Variants in BTLA observed in about 807,000 individuals in gnomAD.
The protein encoded by BTLA is B- and T-lymphocyte attenuator.
A neutral mutation model predicts 25.0 loss-of-function variants in BTLA; 11 were observed. The ratio of observed to expected loss-of-function variants is 0.44; its 90% CI spans 0.28 to 0.73. The LOEUF is 0.73. Ranked by LOEUF, BTLA falls within the 30% of genes least tolerant of loss-of-function variation. The pLI, the probability that BTLA is intolerant of heterozygous loss-of-function variation, is 0.15. For missense variants in BTLA, 282 were observed against 332.8 expected, an observed-to-expected ratio of 0.85 and a Z score of 1.19; for synonymous variants, 104 against 119.8, an observed-to-expected ratio of 0.87 and a Z score of 0.86.
chr3:112,476,174 C>T (rs1404771517), intron 2 of BTLA, among the ~76,000 whole-genome samples: 1 of 152,152 alleles, frequency 6.6e-6, no homozygotes, highest in Non-Finnish European at 1.5e-5. Flanking sequence ...GTTTATAAGC[C>T]AGTGCATGGA....
chr3:112,487,904 C>T (rs1204203438), intron 1 of BTLA, among the ~76,000 whole-genome samples: 4 of 152,136 alleles, frequency 2.6e-5, no homozygotes, highest in African/African-American at 9.7e-5. Flanking sequence ...CCAAGCCAAC[C>T]CCCAGGCAAA....
At chr3:112,496,242 G>C (rs777642996) in intron 1 of BTLA, among the ~76,000 whole-genome samples, 6 of 152,120 alleles carry the variant, frequency 3.9e-5, no homozygotes, top group Non-Finnish European at 8.8e-5. Context: ...TCTAGATCTT[G>C]CCAGCATGAT....
At chr3:112,466,958 CTTTTTT>C (rs869038641) in intron 4 of BTLA, among the ~76,000 whole-genome samples, 3 of 40,814 alleles carry the variant, frequency 7.4e-5, no homozygotes, top group African/African-American at 1.2e-4. Context: ...GAAAATTCTT[CTTTTTT>C]TTTTTTTTTT....
chr3:112,499,442 T>C lies in BTLA; in HGVS notation c.-84A>G. On this transcript the variant is annotated 5_prime_UTR_variant, in exon 1 of 5. Coordinates refer to ENST00000334529, the MANE Select transcript of BTLA (RefSeq NM_181780.4). Reference sequence around the variant, plus strand: ...TGAGTGCTGCAGAGTTGGGTCAGTTTACCTACCCCAGTGGCATCTGTGAAA... The same window carrying C: ...TGAGTGCTGCAGAGTTGGGTCAGTTCACCTACCCCAGTGGCATCTGTGAAA... 2 of 1,045,048 alleles carry C rather than the reference T, an allele frequency of 1.9e-6. No homozygotes were observed. The highest frequency in any genetic ancestry group is 2.8e-6 in the Non-Finnish European group (2 of 726,052). 64.7% of individuals were successfully genotyped at this position (1,045,048 alleles called of 1,614,324 possible).
intron 2 of BTLA, among the ~76,000 whole-genome samples, chr3:112,478,001 T>G (rs1334033963): frequency 2.4e-5 from 2 of 84,338 alleles, no homozygotes; most frequent in Non-Finnish European, 6.7e-5. Context: ...ATGACAATAC[T>G]ATTCTTTTTT....
chr3:112,487,585 CAA>C (rs112489701), intron 1 of BTLA, among the ~76,000 whole-genome samples: 21 of 136,836 alleles, frequency 1.5e-4, no homozygotes, highest in Non-Finnish European at 1.9e-4. Flanking sequence ...AAATCTGTGT[CAA>C]AAAAAAAAAA....
At chr3:112,471,470 A>G in intron 2 of BTLA, 115 bp from the exon 3 acceptor site, 2 of 1,157,920 alleles carry the variant, frequency 1.7e-6, no homozygotes, top group Non-Finnish European at 2.4e-6. Context: ...CAATGCCTCC[A>G]TTTCCCCTTC....
chr3:112,494,667 C>T (rs916410362), intron 1 of BTLA, among the ~76,000 whole-genome samples: 2 of 152,138 alleles, frequency 1.3e-5, no homozygotes, highest in Admixed American at 6.5e-5. Flanking sequence ...GAAAACCAAA[C>T]ACTGCATGTT....
intron 1 of BTLA, among the ~76,000 whole-genome samples, chr3:112,480,029 AC>A (rs766563385): frequency 5.3e-5 from 8 of 152,240 alleles, no homozygotes; most frequent in Non-Finnish European, 1.2e-4. Flanking sequence ...TGTGACCTGC[AC>A]GTATACATCC....
chr3:112,474,537 C>G (rs2082279200), intron 2 of BTLA, among the ~76,000 whole-genome samples: 2 of 151,856 alleles, frequency 1.3e-5, no homozygotes, highest in Non-Finnish European at 2.9e-5. Flanking sequence ...CAAATTCCAG[C>G]CTTCCAGGAC....
chr3:112,466,325 A>G lies in BTLA; in HGVS notation c.653T>C (p.Val218Ala). Reference sequence around the variant, plus strand: ...ATAAATTCCAGTTTCTGATAGCAGTACTTGGGAATTTTGCCTGGTGCTTGC... The same window carrying G: ...ATAAATTCCAGTTTCTGATAGCAGTGCTTGGGAATTTTGCCTGGTGCTTGC... Reference protein sequence around the residue: ...TEASTRQNSQVLLSETGIYDN... With the variant: ...TEASTRQNSQALLSETGIYDN... The change falls in exon 5 of 5, where the codon GTA (valine) becomes GCA (alanine). Residue 218 changes from valine to alanine, a missense_variant. This residue lies in a region of BTLA where 119 missense variants were observed against 102.3 expected (regional missense o/e 1.16). Transcript: ENST00000334529. 1 of 1,613,720 alleles carries G rather than the reference A, an allele frequency of 6.2e-7. No homozygotes were observed.
At chr3:112,485,966 A>C (rs377506501) in intron 1 of BTLA, among the ~76,000 whole-genome samples, 2 of 152,088 alleles carry the variant, frequency 1.3e-5, no homozygotes, top group South Asian at 2.1e-4. Flanking sequence ...CAAAACAAAA[A>C]ATTAGCCGGG....
chr3:112,496,755 C>T (rs1028137536), intron 1 of BTLA, among the ~76,000 whole-genome samples: 4 of 152,094 alleles, frequency 2.6e-5, no homozygotes, highest in Non-Finnish European at 5.9e-5. Context: ...GTACTTCACT[C>T]AAGTCTTTCC....
chr3:112,486,952 C>T (rs1438181702), intron 1 of BTLA, among the ~76,000 whole-genome samples: 2 of 152,114 alleles, frequency 1.3e-5, no homozygotes, highest in Non-Finnish European at 2.9e-5. Flanking sequence ...TGTTGAAAGG[C>T]TGGAGTATGT....
At position 112,475,162 on chromosome 3, in the gene BTLA, G is replaced by A. The variant is rs561576330; in HGVS notation, c.404-3807C>T. 4.7e-4 allele frequency among the ~76,000 whole-genome samples: 71 copies of A among 152,298 alleles called. 1 individual carries two copies. In the South Asian group the frequency reaches 0.013, roughly 28 times the overall value. Reference sequence around the variant, plus strand: ...AACACATCACAGAGTGGAATGTTGTGGAGAGACAAGAGTAGGAAGCCAAAG... The same window carrying A: ...AACACATCACAGAGTGGAATGTTGTAGAGAGACAAGAGTAGGAAGCCAAAG... On this transcript the variant is annotated intron_variant, in intron 2 of 4. Transcript: ENST00000334529.
chr3:112,470,652 T>A (rs2082257040), intron 3 of BTLA, among the ~76,000 whole-genome samples: 1 of 152,210 alleles, frequency 6.6e-6, no homozygotes, highest in Admixed American at 6.5e-5. Context: ...ACCATTCCCA[T>A]CATAGCCAAA....
intron 4 of BTLA, among the ~76,000 whole-genome samples, chr3:112,468,469 G>C (rs2082242773): frequency 1.3e-5 from 2 of 152,116 alleles, no homozygotes; most frequent in African/African-American, 4.8e-5. Flanking sequence ...CAACTGAAAT[G>C]GGGCAAAAAT....
intron 2 of BTLA, among the ~76,000 whole-genome samples, chr3:112,475,526 C>T (rs970698762): frequency 3.9e-5 from 6 of 152,290 alleles, no homozygotes; most frequent in Admixed American, 2.0e-4. Flanking sequence ...CACCTTTATG[C>T]ACTTTACAAA....
In BTLA at chr3:112,466,177, C is replaced by T. The variant is rs113604811; in HGVS notation, c.801G>A (p.Pro267=). Residue 267 remains proline (P), a synonymous_variant, in exon 5 of 5, where the codon CCG becomes CCA. Transcript: ENST00000334529. The stretch of plus-strand genomic sequence containing the variant: ...TTACATTTCTTGCCAGTCTTGAGTT[C>T]GGTCCAATGACAGAATGGTTCAGGG... ...YASLNHSVIG[P]NSRLARNVKE... The T allele has an allele frequency of 1.2e-5, 19 of 1,612,960 alleles. No homozygotes were observed. In the African/African-American group the frequency reaches 1.5e-4, roughly 12 times the overall value.
Sources: allele counts gnomAD v4.1 joint callset (sites outside exome capture counted in the v4.1 genomes callset), GRCh38; gene constraint gnomAD v4.1.1; regional missense constraint gnomAD v4.1.1; transcripts MANE v1.5; gene names NCBI Gene and HGNC (gene_info 2026-07-23, HGNC 2026-07-21).